The following MAP2K4 variants were observed in gnomAD, a reference collection of about 807,000 sequenced individuals.
MAP2K4 encodes the protein dual specificity mitogen-activated protein kinase kinase 4.
A neutral mutation model predicts 48.5 loss-of-function variants in MAP2K4; 4 were observed. That is an observed-to-expected ratio of 0.08 (90% CI 0.04 to 0.19). MAP2K4 has a LOEUF of 0.19. MAP2K4 is among the 10% of genes least tolerant of loss of function. The probability of loss-of-function intolerance (pLI) is 1.00; values close to 1 mark genes in which losing one functional copy is unlikely to be tolerated. For synonymous variants in MAP2K4, 166 were observed against 173.1 expected, an observed-to-expected ratio of 0.96 and a Z score of 0.32; for missense variants, 258 against 493.3, an observed-to-expected ratio of 0.52 and a Z score of 4.52.
chr17:12,050,940 C>G (rs1035765030), intron 1 of MAP2K4, among the ~76,000 whole-genome samples: 1 of 152,154 alleles, frequency 6.6e-6, no homozygotes, highest in African/African-American at 2.4e-5. Flanking sequence ...GTGCTTTTCT[C>G]ATGAGAAATT....
chr17:12,055,060 T>A (rs1567635921), intron 2 of MAP2K4, 69 bp downstream of exon 2: 1 of 951,632 alleles, frequency 1.1e-6, no homozygotes. Flanking sequence ...TTTATGAATT[T>A]TTCCAATTAT....
At chr17:12,048,086 T>C (rs760900059) in intron 1 of MAP2K4, among the ~76,000 whole-genome samples, 7 of 152,236 alleles carry the variant, frequency 4.6e-5, no homozygotes, top group Non-Finnish European at 8.8e-5. Flanking sequence ...CAGGCTGCTT[T>C]TGAACTCATG....
intron 3 of MAP2K4, among the ~76,000 whole-genome samples, chr17:12,088,548 C>A (rs4989898): frequency 0.47 from 60,657 of 129,688 alleles, 14,758 homozygotes; most frequent in East Asian, 0.56. Flanking sequence ...TAAATTATAT[C>A]TAATATATAA....
chr17:12,046,365 G>A (rs769457837), intron 1 of MAP2K4, among the ~76,000 whole-genome samples: 4 of 152,112 alleles, frequency 2.6e-5, no homozygotes, highest in Admixed American at 6.5e-5. Flanking sequence ...TTTATATTTT[G>A]TTGGTGATTA....
chr17:12,141,654 G>A lies in MAP2K4; in HGVS notation c.*394G>A, dbSNP rs1973381407. On this transcript the variant is annotated 3_prime_UTR_variant, in exon 11 of 11. Coordinates refer to ENST00000353533, the MANE Select transcript of MAP2K4 (RefSeq NM_003010.4). ...ATCCTGGAAGGACACAGTGATGAAT[G>A]TACTATGTCTGAACATAGAAACTCG... The A allele has an allele frequency of 3.0e-5, 8 of 269,788 alleles. No homozygotes were observed. Among genetic ancestry groups the A allele is most frequent in the Admixed American group, 5.0e-5 (1 of 20,070 alleles). 16.7% of individuals were successfully genotyped at this position (269,788 alleles called of 1,614,324 possible). A position where few individuals can be genotyped will look rare whatever the true frequency, so the allele number is the denominator to read the frequency against.
chr17:12,049,361 A>G (rs532805954), intron 1 of MAP2K4, among the ~76,000 whole-genome samples: 1 of 152,342 alleles, frequency 6.6e-6, no homozygotes, highest in South Asian at 2.1e-4. Flanking sequence ...GTTCTAGGGA[A>G]TACCCTGTGG....
chr17:12,120,745 T>TA (rs1972662310), intron 7 of MAP2K4, among the ~76,000 whole-genome samples: 1 of 152,138 alleles, frequency 6.6e-6, no homozygotes, highest in Non-Finnish European at 1.5e-5. Flanking sequence ...GCCTCCTCAT[T>TA]ACTAGAGGAC....
chr17:12,094,639 A>G (rs1971671354), intron 3 of MAP2K4, among the ~76,000 whole-genome samples: 1 of 151,772 alleles, frequency 6.6e-6, no homozygotes, highest in Admixed American at 6.6e-5. Context: ...TTTTATTATT[A>G]TTTTTTTATA....
At chr17:12,091,781 A>G (rs981325616) in intron 3 of MAP2K4, among the ~76,000 whole-genome samples, 1 of 151,908 alleles carries the variant, frequency 6.6e-6, no homozygotes, top group Non-Finnish European at 1.5e-5. Context: ...ATTAAAAAAA[A>G]TTAACTTCAA....
At chr17:12,095,839 A>G in intron 4 of MAP2K4, 145 bp downstream of exon 4, 2 of 1,035,434 alleles carry the variant, frequency 1.9e-6, no homozygotes, top group East Asian at 2.4e-5. Flanking sequence ...GGTAATTTAC[A>G]TATTAACTTC....
At chr17:12,069,906 T>TGCATGCTG in intron 2 of MAP2K4, 2 of 20,252 alleles carry the variant, frequency 9.9e-5, no homozygotes, top group Non-Finnish European at 8.9e-5. Context: ...TATATATATA[T>TGCATGCTG]ATATATATAT....
At position 12,089,338 on chromosome 17, in the gene MAP2K4, A is replaced by G. The variant is rs1385920655; in HGVS notation, c.394-6237A>G. Among the ~76,000 whole-genome samples, 3 of 152,330 alleles carry G rather than the reference A, an allele frequency of 2.0e-5. No individual in the cohort carries two copies. In the East Asian group the frequency reaches 5.8e-4, roughly 29 times the overall value. On this transcript the variant is annotated intron_variant, in intron 3 of 10. Transcript: ENST00000353533. ...GCAGATTCCACATAGATTGCTGAAG[A>G]GTAAATGCCTTCTGGTATTCTGATT...
intron 1 of MAP2K4, among the ~76,000 whole-genome samples, chr17:12,052,760 A>G (rs1338752783): frequency 1.3e-5 from 2 of 152,210 alleles, no homozygotes; most frequent in East Asian, 3.9e-4. Context: ...TGTGATAGCA[A>G]AGTTCCTTAA....
intron 9 of MAP2K4, among the ~76,000 whole-genome samples, chr17:12,129,713 CAT>C (rs778980820): frequency 5.3e-5 from 8 of 152,194 alleles, no homozygotes; most frequent in Non-Finnish European, 7.3e-5. Context: ...TCTGACATAA[CAT>C]AGAAAACAGT....
intron 9 of MAP2K4, among the ~76,000 whole-genome samples, chr17:12,137,148 T>G (rs960847648): frequency 6.6e-6 from 1 of 152,188 alleles, no homozygotes; most frequent in Admixed American, 6.5e-5. Context: ...TATCCCTGGC[T>G]CCCAGTTCAG....
chr17:12,065,447 C>T (rs1005131770), intron 2 of MAP2K4, among the ~76,000 whole-genome samples: 5 of 151,598 alleles, frequency 3.3e-5, no homozygotes, highest in African/African-American at 1.2e-4. Flanking sequence ...TACAGGCCTA[C>T]ACCACCATGC....
At chr17:12,057,127 T>G (rs906868225) in intron 2 of MAP2K4, among the ~76,000 whole-genome samples, 2 of 152,178 alleles carry the variant, frequency 1.3e-5, no homozygotes, top group Non-Finnish European at 2.9e-5. Flanking sequence ...TCTTTTTTTC[T>G]GAGAACCAAC....
At chr17:12,040,149 G>T (rs1010987003) in intron 1 of MAP2K4, among the ~76,000 whole-genome samples, 2 of 152,144 alleles carry the variant, frequency 1.3e-5, no homozygotes, top group African/African-American at 4.8e-5. Context: ...TTCTCCGTCA[G>T]CCTTTCATCT....
chr17:12,123,472 C>G (rs1054445768), intron 7 of MAP2K4, among the ~76,000 whole-genome samples: 1 of 152,038 alleles, frequency 6.6e-6, no homozygotes, highest in African/African-American at 2.4e-5. Flanking sequence ...TTTTATTGAT[C>G]TTTTCAAAGT....
Sources: gnomAD v4.1 joint callset for allele counts (sites outside exome capture counted in the v4.1 genomes callset) on GRCh38, gnomAD v4.1.1 for gene constraint, MANE v1.5 for transcripts, NCBI Gene and HGNC (gene_info 2026-07-23, HGNC 2026-07-21) for gene names.